SH3D19: variants seen among roughly 807,000 people sequenced by gnomAD.
SH3D19 encodes the protein SH3 domain-containing protein 19.
In SH3D19, 58 loss-of-function variants were observed where a neutral mutation model predicts 112.1. The ratio of observed to expected loss-of-function variants is 0.52; its 90% CI spans 0.42 to 0.64. SH3D19 has a LOEUF of 0.64. Ranked by LOEUF, SH3D19 falls within the 30% of genes least tolerant of loss-of-function variation. SH3D19 has a pLI of 0.00. For synonymous variants in SH3D19, 391 were observed against 448.5 expected (o/e 0.87, Z 1.62); for missense variants, 1,090 against 1,263.4 (o/e 0.86, Z 2.08).
chr4:151,136,034 A>C (rs189465680), intron 14 of SH3D19, among the ~76,000 whole-genome samples: 29 of 152,190 alleles, frequency 1.9e-4, no homozygotes, highest in African/African-American at 6.0e-4. Flanking sequence ...AACAAAACAA[A>C]AACAACTTGT....
intron 1 of SH3D19, among the ~76,000 whole-genome samples, chr4:151,295,666 C>T (rs1444620633): frequency 7.2e-5 from 11 of 152,088 alleles, no homozygotes; most frequent in Admixed American, 7.2e-4. Flanking sequence ...CTTTTGATAC[C>T]TCAACCCACT....
chr4:151,209,974 C>T (rs958623087), intron 2 of SH3D19, among the ~76,000 whole-genome samples: 10 of 152,118 alleles, frequency 6.6e-5, no homozygotes, highest in Admixed American at 3.3e-4. Flanking sequence ...TTATTGGACA[C>T]CTTCTAGGAC....
At chr4:151,220,811 T>C (rs1313037856) in intron 2 of SH3D19, among the ~76,000 whole-genome samples, 1 of 152,226 alleles carries the variant, frequency 6.6e-6, no homozygotes, top group Non-Finnish European at 1.5e-5. Context: ...GAAATATGGC[T>C]AATTTTGTTT....
intron 2 of SH3D19, among the ~76,000 whole-genome samples, chr4:151,189,733 T>C (rs1762349131): frequency 6.6e-6 from 1 of 152,186 alleles, no homozygotes; most frequent in Non-Finnish European, 1.5e-5. Flanking sequence ...AAAGAAAGTT[T>C]ACAAAACTTT....
At chr4:151,278,685 CA>C (rs1443624160) in intron 1 of SH3D19, among the ~76,000 whole-genome samples, 1 of 151,976 alleles carries the variant, frequency 6.6e-6, no homozygotes, top group Non-Finnish European at 1.5e-5. Context: ...GGCTGGAGTG[CA>C]GTGGCATGAT....
At position 151,325,377 on chromosome 4, in the gene SH3D19, G is replaced by A. The variant is rs1730951107; in HGVS notation, c.-25C>T. On this transcript the variant is annotated 5_prime_UTR_variant, in exon 1 of 20. Coordinates refer to ENST00000604030, the MANE Select transcript of SH3D19 (RefSeq NM_001378122.1). ...TGGGCGAGGCGCGGGGCGCAGCCGC[G>A]GGATGGCCAGCGAGCTGCGGCCCCG... 1 of 1,152,648 alleles carries A rather than the reference G, an allele frequency of 8.7e-7. No homozygotes were observed. Among genetic ancestry groups the A allele is most frequent in the South Asian group, 4.3e-5 (1 of 23,140 alleles). 71.4% of individuals were successfully genotyped at this position (1,152,648 alleles called of 1,614,324 possible).
chr4:151,144,407 C>T, intron 11 of SH3D19: 1 of 843,050 alleles, frequency 1.2e-6, no homozygotes, highest in Middle Eastern at 2.3e-4. Flanking sequence ...CAGCTAAACT[C>T]ACCTGGCTTC....
chr4:151,196,891 A>G (rs1380180893), intron 2 of SH3D19, among the ~76,000 whole-genome samples: 1 of 152,224 alleles, frequency 6.6e-6, no homozygotes, highest in Non-Finnish European at 1.5e-5. Flanking sequence ...CATATGAAAA[A>G]TGCCCGACAT....
At chr4:151,264,177 A>C (rs1487337491) in intron 1 of SH3D19, among the ~76,000 whole-genome samples, 3 of 152,122 alleles carry the variant, frequency 2.0e-5, no homozygotes, top group Non-Finnish European at 2.9e-5. Flanking sequence ...TCACGTCTGT[A>C]ATCCCAGCTT....
chr4:151,282,112 C>A, intron 1 of SH3D19: 4 of 1,607,266 alleles, frequency 2.5e-6, no homozygotes, highest in Non-Finnish European at 3.4e-6. Context: ...GACCCAGCTG[C>A]AGGCCATAAG....
At chr4:151,253,954 A>T (rs536999096) in intron 1 of SH3D19, among the ~76,000 whole-genome samples, 3 of 152,352 alleles carry the variant, frequency 2.0e-5, no homozygotes, top group African/African-American at 7.2e-5. Context: ...AGGCTGCTGT[A>T]GCAAGATAAC....
At chr4:151,277,052 G>A (rs2150002834) in intron 1 of SH3D19, 1 of 644,494 alleles carries the variant, frequency 1.6e-6, no homozygotes, top group South Asian at 6.6e-5. Flanking sequence ...CAAAGGAGAG[G>A]AGGGGGTGAA....
At chr4:151,282,366 C>T in intron 1 of SH3D19, 1 of 1,613,908 alleles carries the variant, frequency 6.2e-7, no homozygotes. Flanking sequence ...TTGGCAATTC[C>T]ACCCTTTTGT....
intron 1 of SH3D19, among the ~76,000 whole-genome samples, chr4:151,302,839 T>A (rs928742138): frequency 1.6e-5 from 2 of 128,526 alleles, no homozygotes; most frequent in Non-Finnish European, 3.2e-5. Context: ...GGACACAGGG[T>A]GGGGAACATC....
rs557751704 is a variant in SH3D19 at position 151,209,045 on chromosome 4, A to G, written c.152+17002T>C. ...TGGTTGAACCCTGACTGATAAAGCA[A>G]CTAAATAATTATAATAACCCCAAGA... On this transcript the variant is annotated intron_variant, in intron 2 of 19. Transcript: ENST00000604030. 5.9e-5 allele frequency among the ~76,000 whole-genome samples: 9 copies of G among 152,256 alleles called. No homozygotes were observed. The East Asian group carries it at 1.5e-3, about 26-fold the overall frequency.
intron 1 of SH3D19, among the ~76,000 whole-genome samples, chr4:151,244,370 G>T (rs1377616369): frequency 6.6e-6 from 1 of 152,192 alleles, no homozygotes; most frequent in Non-Finnish European, 1.5e-5. Context: ...GGGCATAGAA[G>T]GAAAGCTTAA....
chr4:151,138,988 CG>C (rs1011302218), intron 13 of SH3D19, among the ~76,000 whole-genome samples: 5 of 151,860 alleles, frequency 3.3e-5, no homozygotes, highest in African/African-American at 1.2e-4. Flanking sequence ...TCACCATGCC[CG>C]GCTACTTTTT....
chr4:151,268,250 TA>T (rs1388782652), intron 1 of SH3D19, among the ~76,000 whole-genome samples: 2 of 152,126 alleles, frequency 1.3e-5, no homozygotes, highest in Admixed American at 1.3e-4. Context: ...AAAGGTACAG[TA>T]AAAATATATT....
chr4:151,226,200 GTT>G, intron 1 of SH3D19, 114 bp from the exon 2 acceptor site: 5 of 1,227,888 alleles, frequency 4.1e-6, no homozygotes, highest in Non-Finnish European at 5.1e-6. Flanking sequence ...TTCAAAGGTA[GTT>G]GTGTCTTCCT....
Sources: gnomAD v4.1 joint callset for allele counts (sites outside exome capture counted in the v4.1 genomes callset) on GRCh38, gnomAD v4.1.1 for gene constraint, MANE v1.5 for transcripts, NCBI Gene and HGNC (gene_info 2026-07-23, HGNC 2026-07-21) for gene names.